Variants in GPC6 observed in about 807,000 individuals in gnomAD.
GPC6 encodes the protein glypican 6.
Under a neutral mutation model 55.2 loss-of-function variants are expected in GPC6, and 14 were observed. The observed-to-expected ratio is 0.25, with a 90% confidence interval of 0.17 to 0.40. The LOEUF (loss-of-function observed/expected upper bound fraction) is 0.40, where lower values mean the gene tolerates loss of function less well. Ranked by LOEUF, GPC6 falls within the 10% of genes least tolerant of loss-of-function variation. The pLI is 1.00. For missense variants in GPC6, 641 were observed against 708.5 expected (o/e 0.90, Z 1.08); for synonymous variants, 278 against 259.6 (o/e 1.07, Z -0.68).
intron 1 of GPC6, among the ~76,000 whole-genome samples, chr13:93,362,245 G>C (rs768956287): frequency 6.6e-6 from 1 of 152,134 alleles, no homozygotes; most frequent in Non-Finnish European, 1.5e-5. Flanking sequence ...AGTTCTTCCT[G>C]GAGAGAATTT....
chr13:93,626,467 A>G (rs948402441), intron 2 of GPC6, among the ~76,000 whole-genome samples: 2 of 152,106 alleles, frequency 1.3e-5, no homozygotes, highest in Non-Finnish European at 2.9e-5. Context: ...TTTTCTGCCA[A>G]TTTTGGATAA....
At chr13:93,462,319 A>C (rs77371110) in intron 1 of GPC6, among the ~76,000 whole-genome samples, 1 of 152,236 alleles carries the variant, frequency 6.6e-6, no homozygotes, top group East Asian at 1.9e-4. Context: ...ACAGACTCTA[A>C]TCAGGATTGC....
At chr13:93,368,211 C>T (rs1594123238) in intron 1 of GPC6, among the ~76,000 whole-genome samples, 1 of 151,914 alleles carries the variant, frequency 6.6e-6, no homozygotes, top group Non-Finnish European at 1.5e-5. Context: ...TGCTCTGAGT[C>T]TATTCTATCT....
intron 4 of GPC6, among the ~76,000 whole-genome samples, chr13:94,084,228 T>C (rs1489726069): frequency 6.6e-6 from 1 of 152,216 alleles, no homozygotes; most frequent in Non-Finnish European, 1.5e-5. Flanking sequence ...CAATGATCTG[T>C]TATTGCCACT....
At chr13:93,352,825 G>T (rs929785879) in intron 1 of GPC6, among the ~76,000 whole-genome samples, 7 of 152,112 alleles carry the variant, frequency 4.6e-5, no homozygotes, top group African/African-American at 1.7e-4. Flanking sequence ...AAATACAATT[G>T]CTCTGATTAC....
intron 3 of GPC6, among the ~76,000 whole-genome samples, chr13:94,014,060 C>T (rs9556347): frequency 0.44 from 66,885 of 152,010 alleles, 16,405 homozygotes; most frequent in South Asian, 0.63. Context: ...GAACATTTTT[C>T]CTTCAGGCTC....
intron 4 of GPC6, among the ~76,000 whole-genome samples, chr13:94,120,528 C>CT (rs548929202): frequency 5.9e-4 from 85 of 143,646 alleles, no homozygotes; most frequent in South Asian, 6.6e-4. Context: ...CATATGGTTT[C>CT]TTTTTTTTTT....
chr13:93,370,418 A>C (rs1881408178), intron 1 of GPC6, among the ~76,000 whole-genome samples: 1 of 152,170 alleles, frequency 6.6e-6, no homozygotes, highest in African/African-American at 2.4e-5. Flanking sequence ...TTAACTTGTT[A>C]GAATCATTGA....
At chr13:93,916,201 G>A (rs1404039313) in intron 3 of GPC6, among the ~76,000 whole-genome samples, 2 of 152,136 alleles carry the variant, frequency 1.3e-5, no homozygotes, top group Admixed American at 6.5e-5. Flanking sequence ...TTCCTCAGTC[G>A]CCTTGCTTCG....
At chr13:94,335,827 C>T (rs1249204122) in intron 6 of GPC6, among the ~76,000 whole-genome samples, 1 of 147,906 alleles carries the variant, frequency 6.8e-6, no homozygotes, top group Non-Finnish European at 1.5e-5. Context: ...CCAAAATCAG[C>T]ACCATCTGTT....
At position 93,227,084 on chromosome 13, in the gene GPC6, AG is replaced by A. The variant is rs953994101; in HGVS notation, c.-372del. On this transcript the variant is annotated 5_prime_UTR_variant, in exon 1 of 9. Coordinates refer to ENST00000377047, the MANE Select transcript of GPC6 (RefSeq NM_005708.5). This position sits in a 1 kb window ranked among gnomAD's most constrained non-coding sequence, Gnocchi z 4.3. ...CTTTGCCGCACACTCCGGCGAGCCGAGCCCGCAGCGCTCCAGGATTCTGCGG... is the reference window on the plus strand; with the variant it reads ...CTTTGCCGCACACTCCGGCGAGCCGACCCGCAGCGCTCCAGGATTCTGCGG... 1 of 167,650 alleles carries A rather than the reference AG, an allele frequency of 6.0e-6. No homozygotes were observed. The highest frequency in any genetic ancestry group is 2.4e-5 in the African/African-American group (1 of 42,056). The allele number at this position is 167,650 out of a possible 1,614,324, so 10.4% of individuals were successfully genotyped here.
intron 1 of GPC6, among the ~76,000 whole-genome samples, chr13:93,518,642 A>G (rs1881296483): frequency 6.6e-6 from 1 of 152,016 alleles, no homozygotes; most frequent in South Asian, 2.1e-4. Flanking sequence ...AGGGAAGATA[A>G]CACTTGCTTT....
chr13:94,230,927 A>AGAG (rs1890705110), intron 4 of GPC6, among the ~76,000 whole-genome samples: 1 of 152,160 alleles, frequency 6.6e-6, no homozygotes, highest in Admixed American at 6.6e-5. Context: ...TTTCAGGTGA[A>AGAG]GAGTCTGAAG....
intron 1 of GPC6, among the ~76,000 whole-genome samples, chr13:93,263,898 A>G (rs1877236135): frequency 6.6e-6 from 1 of 152,102 alleles, no homozygotes; most frequent in Middle Eastern, 3.2e-3. Flanking sequence ...ATTGCCACAT[A>G]TTTCTCTCTG....
intron 4 of GPC6, among the ~76,000 whole-genome samples, chr13:94,210,225 C>T (rs567037350): frequency 6.7e-6 from 1 of 149,590 alleles, no homozygotes; most frequent in South Asian, 2.1e-4. Flanking sequence ...GGCACAATCT[C>T]AGCTCACTGC....
At chr13:93,965,729 T>C (rs1673591050) in intron 3 of GPC6, among the ~76,000 whole-genome samples, 1 of 152,058 alleles carries the variant, frequency 6.6e-6, no homozygotes, top group Non-Finnish European at 1.5e-5. Context: ...ATTTAGAACA[T>C]TGAGCCCTTG....
chr13:94,154,737 A>G (rs964383102), intron 4 of GPC6, among the ~76,000 whole-genome samples: 6 of 152,224 alleles, frequency 3.9e-5, no homozygotes, highest in Admixed American at 3.3e-4. Context: ...AATAAAAGGG[A>G]AATTTTAAAC....
intron 2 of GPC6, among the ~76,000 whole-genome samples, chr13:93,789,616 T>TATAATACTAC (rs1566536831): frequency 0.021 from 665 of 31,032 alleles, 33 homozygotes; most frequent in East Asian, 0.063. Flanking sequence ...TATATATATA[T>TATAATACTAC]ATATATATAT....
At chr13:93,314,688 C>G (rs1438609466) in intron 1 of GPC6, among the ~76,000 whole-genome samples, 1 of 149,582 alleles carries the variant, frequency 6.7e-6, no homozygotes, top group African/African-American at 2.5e-5. Context: ...AAATGAGGGC[C>G]TAATTAGATA....
Sources: allele counts gnomAD v4.1 joint callset (sites outside exome capture counted in the v4.1 genomes callset), GRCh38; gene constraint gnomAD v4.1.1; non-coding constraint Gnocchi (gnomAD v3.1); transcripts MANE v1.5; gene names NCBI Gene and HGNC (gene_info 2026-07-23, HGNC 2026-07-21).